GALNT17: variants seen among roughly 807,000 people sequenced by gnomAD.
GALNT17 encodes polypeptide N-acetylgalactosaminyltransferase 17.
GALNT17 carries 29 observed loss-of-function variants against 63.7 expected under a neutral mutation model. The ratio of observed to expected loss-of-function variants is 0.46; its 90% CI spans 0.34 to 0.62. The LOEUF is 0.62. GALNT17 is among the 20% of genes least tolerant of loss of function. The pLI is 0.01. For missense variants in GALNT17, 603 were observed against 799.6 expected (o/e 0.75, Z 2.97); for synonymous variants, 305 against 318.3 (o/e 0.96, Z 0.45).
At chr7:71,442,592 T>A (rs1787087946) in intron 5 of GALNT17, among the ~76,000 whole-genome samples, 1 of 152,190 alleles carries the variant, frequency 6.6e-6, no homozygotes. Context: ...CTTTTTTGGC[T>A]GCCAACATGA....
intron 1 of GALNT17, among the ~76,000 whole-genome samples, chr7:71,278,637 A>C (rs370156260): frequency 1.3e-5 from 2 of 152,276 alleles, no homozygotes; most frequent in Admixed American, 1.3e-4. Context: ...ACCTACAATC[A>C]TGGAGGAAGG....
At chr7:71,489,015 TC>T (rs1446002724) in intron 5 of GALNT17, among the ~76,000 whole-genome samples, 2 of 138,684 alleles carry the variant, frequency 1.4e-5, no homozygotes, top group African/African-American at 5.4e-5. Context: ...TGCCTCAGCC[TC>T]CCAAGTACCT....
intron 9 of GALNT17, among the ~76,000 whole-genome samples, chr7:71,681,403 A>C (rs930913829): frequency 6.6e-6 from 1 of 152,224 alleles, no homozygotes; most frequent in African/African-American, 2.4e-5. Context: ...AGCCCTAGCT[A>C]GTCTCGGGCT....
chr7:71,146,334 ACT>A (rs1788023173), intron 1 of GALNT17, among the ~76,000 whole-genome samples: 1 of 151,662 alleles, frequency 6.6e-6, no homozygotes, highest in East Asian at 1.9e-4. Flanking sequence ...GGGTCCTCTC[ACT>A]CCTTCTGGAT....
intron 6 of GALNT17, among the ~76,000 whole-genome samples, chr7:71,576,702 C>CAGCGACAACCATCAAGG (rs1789544092): frequency 6.6e-6 from 1 of 152,150 alleles, no homozygotes; most frequent in Non-Finnish European, 1.5e-5. Flanking sequence ...TCCAGAGTAG[C>CAGCGACAACCATCAAGG]TGGGACTACA....
chr7:71,275,325 G>A (rs1790663805), intron 1 of GALNT17, among the ~76,000 whole-genome samples: 2 of 152,142 alleles, frequency 1.3e-5, no homozygotes, highest in African/African-American at 4.8e-5. Flanking sequence ...CAGCACTTCG[G>A]GAGGCTGAGG....
At chr7:71,428,453 T>G (rs753332511) in intron 5 of GALNT17, among the ~76,000 whole-genome samples, 2 of 152,166 alleles carry the variant, frequency 1.3e-5, no homozygotes, top group Admixed American at 6.5e-5. Context: ...TTTATTATTT[T>G]TTTTGAGACA....
intron 1 of GALNT17, among the ~76,000 whole-genome samples, chr7:71,270,613 T>TA (rs1196178335): frequency 1.7e-4 from 26 of 151,682 alleles, no homozygotes; most frequent in African/African-American, 5.8e-4. Context: ...ATAATGGACT[T>TA]AATGTATGCA....
intron 1 of GALNT17, 134 bp downstream of exon 1, chr7:71,133,174 C>T: frequency 6.8e-6 from 5 of 734,788 alleles, no homozygotes; most frequent in East Asian, 3.2e-5. Flanking sequence ...CCTTCTTACC[C>T]TTCCTGCCCC....
At chr7:71,662,497 T>A (rs1790923859) in intron 6 of GALNT17, among the ~76,000 whole-genome samples, 1 of 152,110 alleles carries the variant, frequency 6.6e-6, no homozygotes, top group Admixed American at 6.6e-5. Flanking sequence ...TATTAGAATG[T>A]TTTCATCACC....
chr7:71,626,358 G>T (rs1790375936), intron 6 of GALNT17, among the ~76,000 whole-genome samples: 1 of 152,148 alleles, frequency 6.6e-6, no homozygotes, highest in African/African-American at 2.4e-5. Flanking sequence ...CCACCCCTGT[G>T]GATACCTTGA....
intron 5 of GALNT17, among the ~76,000 whole-genome samples, chr7:71,543,730 G>A (rs1190322967): frequency 6.6e-6 from 1 of 150,380 alleles, no homozygotes; most frequent in East Asian, 1.9e-4. Flanking sequence ...CTGCTGTCCT[G>A]CAAACTCAAG....
At chr7:71,629,167 G>A (rs183234798) in intron 6 of GALNT17, among the ~76,000 whole-genome samples, 8 of 152,194 alleles carry the variant, frequency 5.3e-5, no homozygotes, top group African/African-American at 1.9e-4. Context: ...GGAAGTGCAT[G>A]GCACCTGTGG....
rs139909217 is a variant in GALNT17 at position 71,605,563 on chromosome 7, C to T, written c.1080+34161C>T. Among the ~76,000 whole-genome samples the T allele has an allele frequency of 4.7e-3, 668 of 142,022 alleles. 2 individuals are homozygous for T. Among genetic ancestry groups the T allele is most frequent in the Non-Finnish European group, 7.6e-3 (510 of 66,696 alleles). 93.2% of individuals were successfully genotyped at this position (142,022 alleles called of 152,430 possible). ...ATAGCACCACTGCACTCCAGCCTGG[C>T]GACAGAGTGAGACTCCATCTCAAAA... is the stretch of plus-strand genomic sequence containing the variant. On this transcript the variant is annotated intron_variant, in intron 6 of 10. Transcript: ENST00000333538.
intron 7 of GALNT17, among the ~76,000 whole-genome samples, chr7:71,666,647 A>G (rs985467141): frequency 6.6e-6 from 1 of 152,068 alleles, no homozygotes; most frequent in African/African-American, 2.4e-5. Flanking sequence ...CAATGAAAAC[A>G]TATGATGTTT....
intron 1 of GALNT17, among the ~76,000 whole-genome samples, chr7:71,181,267 AAGT>A (rs1562891309): frequency 6.6e-6 from 1 of 151,548 alleles, no homozygotes. Context: ...AAAAAAAAAA[AAGT>A]AATGGCTTAA....
intron 9 of GALNT17, 117 bp from the exon 10 acceptor site, chr7:71,710,644 A>G (rs771017090): frequency 8.7e-5 from 103 of 1,186,644 alleles, no homozygotes; most frequent in Non-Finnish European, 1.2e-4. Context: ...GATGGTGGCC[A>G]GGACTGCAGT....
At chr7:71,316,560 G>T (rs1038977140) in intron 1 of GALNT17, among the ~76,000 whole-genome samples, 1 of 152,098 alleles carries the variant, frequency 6.6e-6, no homozygotes, top group Non-Finnish European at 1.5e-5. Flanking sequence ...CAAAGTAAAG[G>T]GCTCCTCCAG....
At chr7:71,669,796 C>T (rs1791040788) in intron 7 of GALNT17, among the ~76,000 whole-genome samples, 176 bp from the exon 8 acceptor site, 1 of 151,966 alleles carries the variant, frequency 6.6e-6, no homozygotes, top group South Asian at 2.1e-4. Context: ...CTCCTGACCT[C>T]GTGATTCACT....
Sources: allele counts gnomAD v4.1 joint callset (sites outside exome capture counted in the v4.1 genomes callset), GRCh38; gene constraint gnomAD v4.1.1; transcripts MANE v1.5; gene names NCBI Gene and HGNC (gene_info 2026-07-23, HGNC 2026-07-21).